Variants in TKT observed in about 807,000 individuals in gnomAD.
The protein encoded by TKT is transketolase.
In TKT, 47 loss-of-function variants were observed where a neutral mutation model predicts 63.9. The ratio of observed to expected loss-of-function variants is 0.74; its 90% CI spans 0.58 to 0.94. The LOEUF is 0.94. TKT is among the 40% of genes least tolerant of loss of function. TKT has a pLI of 0.00. For missense variants in TKT, 721 were observed against 846.2 expected (o/e 0.85, Z 1.84); for synonymous variants, 338 against 334.1 (o/e 1.01, Z -0.13).
At chr3:53,245,511 C>T (rs7356096) in intron 1 of TKT, among the ~76,000 whole-genome samples, 13,997 of 152,124 alleles carry the variant, frequency 0.092, 2,165 homozygotes, top group African/African-American at 0.32. Context: ...AGGTTGGGCG[C>T]GGTAGCTCAC....
At chr3:53,237,439 AG>A (rs1370901311) in intron 4 of TKT, among the ~76,000 whole-genome samples, 10 of 151,802 alleles carry the variant, frequency 6.6e-5, no homozygotes, top group African/African-American at 2.4e-4. Context: ...TAATATCAGG[AG>A]AAAAAGCTCA....
chr3:53,242,001 G>A, intron 2 of TKT, 124 bp downstream of exon 2: 1 of 868,922 alleles, frequency 1.2e-6, no homozygotes, highest in Non-Finnish European at 1.9e-6. Context: ...AGGACGAGCA[G>A]GGAGAAGGCA....
chr3:53,251,892 C>A (rs1264228583), intron 1 of TKT, among the ~76,000 whole-genome samples: 6 of 152,310 alleles, frequency 3.9e-5, no homozygotes, highest in Middle Eastern at 3.4e-3. Context: ...ATAATCCCAG[C>A]ACTTTGGGAG....
At chr3:53,239,677 G>A (rs1318182235) in intron 4 of TKT, among the ~76,000 whole-genome samples, 1 of 152,010 alleles carries the variant, frequency 6.6e-6, no homozygotes, top group Non-Finnish European at 1.5e-5. Context: ...CCTGGTGGGC[G>A]CTAGAGCAGC....
intron 11 of TKT, 50 bp downstream of exon 11, chr3:53,228,225 AG>A: frequency 6.2e-7 from 1 of 1,613,452 alleles, no homozygotes; most frequent in South Asian, 1.1e-5. Context: ...GAGTCACAGC[AG>A]GGAGGGTCCA....
intron 1 of TKT, among the ~76,000 whole-genome samples, chr3:53,250,774 GT>G (rs1209037040): frequency 2.6e-5 from 4 of 151,970 alleles, no homozygotes; most frequent in African/African-American, 4.8e-5. Flanking sequence ...AGATAGGAAG[GT>G]TTTTTTGTTT....
intron 5 of TKT, chr3:53,234,776 CACTT>C (rs1553678089): frequency 4.3e-6 from 2 of 468,862 alleles, no homozygotes; most frequent in African/African-American, 4.0e-5. Flanking sequence ...CAAGGAAACT[CACTT>C]AAAACTGGGC....
intron 5 of TKT, chr3:53,233,555 T>C: frequency 3.0e-6 from 1 of 328,882 alleles, no homozygotes. Flanking sequence ...TATTGTCTCT[T>C]TCATTCCTGA....
Position 53,241,237 on chromosome 3 carries a change from T to G in TKT, c.234A>C (p.Ala78=). ...NDRFVLSKGH[A]APILYAVWAE... Reference sequence around the variant, plus strand: ...CCCAGACCGCGTAGAGGATGGGAGCTGCATGGCCCTGCCGGGAGATGGATG... The same window carrying G: ...CCCAGACCGCGTAGAGGATGGGAGCGGCATGGCCCTGCCGGGAGATGGATG... Residue 78 remains alanine, a synonymous_variant, in exon 3 of 14, where the codon GCA becomes GCC. Transcript: ENST00000462138. 2 of 1,600,102 alleles carry G rather than the reference T, an allele frequency of 1.2e-6. No individual in the cohort carries two copies. The highest frequency in any genetic ancestry group is 1.7e-6 in the Non-Finnish European group (2 of 1,175,270).
intron 13 of TKT, 151 bp from the exon 14 acceptor site, chr3:53,226,082 G>T: frequency 3.1e-6 from 2 of 638,632 alleles, no homozygotes; most frequent in East Asian, 3.1e-5. Flanking sequence ...ATAACTCATT[G>T]ATTTTTTTTA....
At chr3:53,251,801 G>C (rs1705758806) in intron 1 of TKT, among the ~76,000 whole-genome samples, 1 of 152,084 alleles carries the variant, frequency 6.6e-6, no homozygotes, top group African/African-American at 2.4e-5. Context: ...CTGTACTCCA[G>C]ACCTGGTGGG....
rs371314529 is a variant in TKT, at chr3:53,235,187, A to T, written c.438-13T>A. On this transcript the variant is annotated splice_polypyrimidine_tract_variant and intron_variant, in intron 4 of 13. Coordinates refer to ENST00000462138, the MANE Select transcript of TKT (RefSeq NM_001064.4). ...ATAGACTCGGTAGCTGTGGACAGAG[A>T]GTGAATCAGGCCAGTCCCTCTCACC... 1.2e-6 allele frequency: 2 copies of T among 1,601,704 alleles called. No homozygotes were observed. The highest frequency in any genetic ancestry group is 2.2e-5 in the East Asian group (1 of 44,662).
chr3:53,244,342 C>T (rs782196373), intron 1 of TKT, among the ~76,000 whole-genome samples: 4 of 152,200 alleles, frequency 2.6e-5, no homozygotes, highest in African/African-American at 9.7e-5. Context: ...ACTTGGGCTT[C>T]GTGACTTCAA....
intron 5 of TKT, chr3:53,233,982 G>A (rs1704891752): frequency 6.6e-6 from 1 of 152,234 alleles, no homozygotes; most frequent in African/African-American, 2.4e-5. Flanking sequence ...ACGCCACAAA[G>A]CAAGTTAGCG....
chr3:53,255,731 G>C (rs1184559018), intron 1 of TKT, 105 bp downstream of exon 1: 3 of 740,420 alleles, frequency 4.1e-6, no homozygotes, highest in Non-Finnish European at 5.6e-6. Flanking sequence ...CACCTTCCTC[G>C]TCTAGGCATC....
intron 3 of TKT, 105 bp from the exon 4 acceptor site, chr3:53,240,453 A>G: frequency 2.0e-6 from 2 of 1,009,430 alleles, no homozygotes; most frequent in South Asian, 1.6e-5. Flanking sequence ...CTTCCTCTGC[A>G]GAAGGTCAGG....
At chr3:53,231,272 C>G (rs879975789) in intron 7 of TKT, 85 bp downstream of exon 7, 1 of 1,489,668 alleles carries the variant, frequency 6.7e-7, no homozygotes, top group South Asian at 1.3e-5. Context: ...TCCTCCCTTT[C>G]CCAGCCCTCC....
At chr3:53,227,163 C>T (rs140698122) in intron 12 of TKT, 171 of 343,998 alleles carry the variant, frequency 5.0e-4, no homozygotes, top group African/African-American at 3.6e-3. Flanking sequence ...CCTCCCACAA[C>T]CTTGAAGACA....
chr3:53,240,917 C>T (rs1705242986), intron 3 of TKT, among the ~76,000 whole-genome samples: 1 of 152,168 alleles, frequency 6.6e-6, no homozygotes, highest in South Asian at 2.1e-4. Flanking sequence ...CCCAGAGCAC[C>T]CTGGCTGAGG....
Sources: gnomAD v4.1 joint callset for allele counts (sites outside exome capture counted in the v4.1 genomes callset) on GRCh38, gnomAD v4.1.1 for gene constraint, MANE v1.5 for transcripts, NCBI Gene and HGNC (gene_info 2026-07-23, HGNC 2026-07-21) for gene names.